Variants in LARGE1 observed in about 807,000 individuals in gnomAD.
LARGE1 encodes xylosyl- and glucuronyltransferase LARGE1.
Under a neutral mutation model 87.6 loss-of-function variants are expected in LARGE1, and 43 were observed. That is an observed-to-expected ratio of 0.49 (90% confidence interval 0.38 to 0.63). The LOEUF is 0.63. Ranked by LOEUF, LARGE1 falls within the 30% of genes least tolerant of loss-of-function variation. LARGE1 has a pLI of 0.00. For missense variants in LARGE1, 802 were observed against 1,000.2 expected (o/e 0.80, Z 2.67); for synonymous variants, 434 against 394.6 (o/e 1.10, Z -1.18).
intron 2 of LARGE1, among the ~76,000 whole-genome samples, chr22:33,754,001 G>A (rs1411228889): frequency 6.6e-6 from 1 of 152,116 alleles, no homozygotes; most frequent in Non-Finnish European, 1.5e-5. Flanking sequence ...GGCGGAGGTT[G>A]CAATGAGCTG....
At chr22:33,104,887 C>CTT in the LARGE1 span, among the ~76,000 whole-genome samples, 25 of 139,738 alleles carry the variant, frequency 1.8e-4, no homozygotes, top group African/African-American at 5.9e-4. Context: ...TAGACTTTCT[C>CTT]TCTCTTTCTT....
At chr22:33,626,211 C>T (rs1269794234) in intron 4 of LARGE1, 33 bp downstream of exon 4, 1 of 1,583,104 alleles carries the variant, frequency 6.3e-7, no homozygotes, top group Non-Finnish European at 8.7e-7. Context: ...CAGTGACAGA[C>T]CTCAGCCCAC....
At chr22:33,554,023 G>A (rs917520742) in intron 6 of LARGE1, among the ~76,000 whole-genome samples, 5 of 152,172 alleles carry the variant, frequency 3.3e-5, no homozygotes, top group African/African-American at 1.2e-4. Context: ...CCAGGGCATG[G>A]CTGACTTTTC....
chr22:33,195,583 G>C (rs9609740), intron 11 of LARGE1, among the ~76,000 whole-genome samples: 1 of 151,494 alleles, frequency 6.6e-6, no homozygotes, highest in African/African-American at 2.4e-5. Context: ...TAATGTATGG[G>C]TCAAAGAAGA....
chr22:33,304,303 C>G lies in LARGE1; in HGVS notation c.1656G>C (p.Lys552Asn), dbSNP rs138573955. 4.0e-5 allele frequency: 65 copies of G among 1,614,270 alleles called. No individual in the cohort carries two copies. The Admixed American group carries it at 8.8e-4, about 22-fold the overall frequency. Residue 552 changes from lysine to asparagine, a missense_variant, in exon 12 of 15, where the codon AAG (lysine) becomes AAC (asparagine). Lys to Asn is a moderately conservative substitution (Grantham distance 94). This residue lies in a region of LARGE1 where 625 missense variants were observed against 841.9 expected (regional missense o/e 0.74). Coordinates refer to ENST00000397394, the MANE Select transcript of LARGE1 (RefSeq NM_133642.5). ...GGAACATGTAGGGAGTGCTGATGTG[C>G]TTCATGGCCACGTTGCGCAGCAGGT... ...PVNLLRNVAM[K>N]HISTPYMFLS...
At chr22:33,557,962 C>T (rs915691599) in intron 6 of LARGE1, among the ~76,000 whole-genome samples, 2 of 152,220 alleles carry the variant, frequency 1.3e-5, no homozygotes, top group Non-Finnish European at 2.9e-5. Flanking sequence ...GGCCAAGCCT[C>T]GCCCTTTCCC....
chr22:33,378,675 G>A (rs1469302215), intron 9 of LARGE1, among the ~76,000 whole-genome samples: 1 of 152,166 alleles, frequency 6.6e-6, no homozygotes, highest in Admixed American at 6.6e-5. Context: ...TTCCTACAAT[G>A]ACCAGTTCTT....
chr22:33,181,615 G>A lies in LARGE1; in HGVS notation c.1731-14783C>T, dbSNP rs530381609. Among the ~76,000 whole-genome samples, 102 of 150,916 alleles carry A rather than the reference G, an allele frequency of 6.8e-4. 1 individual carries two copies. The highest frequency in any genetic ancestry group is 2.3e-3 in the African/African-American group (94 of 41,066). On this transcript the variant is annotated intron_variant, in intron 11 of 11. Coordinates refer to the LARGE1 transcript ENST00000608642. ...GCTATTTTGGCTCACTGCAACCTCC[G>A]ACTCCTGGGTTCATGCCATTCTCCT...
chr22:33,684,195 G>A (rs2081874086), intron 2 of LARGE1, among the ~76,000 whole-genome samples: 1 of 152,074 alleles, frequency 6.6e-6, no homozygotes, highest in Non-Finnish European at 1.5e-5. Context: ...ATGTGTTTGG[G>A]GAAGGAACAC....
rs201261732 is a variant in LARGE1, at chr22:33,184,098, ATATATC to A, written c.1731-17272_1731-17267del. Reference sequence around the variant, plus strand: ...GTGGTAATCAGTACACTATATATATATATATCATATCTTTATGCTATATACCTTGAA... The same window carrying A: ...GTGGTAATCAGTACACTATATATATAATATCTTTATGCTATATACCTTGAA... On this transcript the variant is annotated intron_variant, in intron 11 of 11. Transcript: ENST00000608642. Among the ~76,000 whole-genome samples, 445 of 146,714 alleles carry A rather than the reference ATATATC, an allele frequency of 3.0e-3. 30 individuals are homozygous for A. The highest frequency in any genetic ancestry group is 5.1e-3 in the Non-Finnish European group (337 of 66,116).
At chr22:33,196,852 T>C (rs1469720537) in intron 11 of LARGE1, among the ~76,000 whole-genome samples, 1 of 152,232 alleles carries the variant, frequency 6.6e-6, no homozygotes, top group East Asian at 1.9e-4. Context: ...CTATGCCTCA[T>C]GGCTTTACAC....
chr22:33,437,198 A>G (rs2067301967), intron 6 of LARGE1, among the ~76,000 whole-genome samples: 1 of 151,650 alleles, frequency 6.6e-6, no homozygotes, highest in African/African-American at 2.4e-5. Flanking sequence ...AGTCAAGGGT[A>G]AATTTCACCT....
intron 9 of LARGE1, among the ~76,000 whole-genome samples, chr22:33,344,043 T>C (rs998738741): frequency 2.0e-5 from 3 of 152,170 alleles, no homozygotes; most frequent in Admixed American, 6.5e-5. Flanking sequence ...TTTTCACATT[T>C]TTCTGCCTGC....
intron 13 of LARGE1, among the ~76,000 whole-genome samples, chr22:33,279,804 C>T (rs1930076673): frequency 6.6e-6 from 1 of 152,198 alleles, no homozygotes; most frequent in Non-Finnish European, 1.5e-5. Context: ...GCTGAATGGG[C>T]AGTCTTAACA....
intron 11 of LARGE1, among the ~76,000 whole-genome samples, chr22:33,305,388 A>T (rs935760561): frequency 2.0e-5 from 3 of 148,510 alleles, no homozygotes; most frequent in African/African-American, 5.0e-5. Flanking sequence ...GTGTGTGTGG[A>T]GGGTTTGCAA....
At chr22:33,783,896 G>T (rs2085513265) in intron 1 of LARGE1, among the ~76,000 whole-genome samples, 1 of 152,098 alleles carries the variant, frequency 6.6e-6, no homozygotes, top group African/African-American at 2.4e-5. Context: ...AGATTAGAGT[G>T]GTCTTTCCTC....
chr22:33,216,097 A>G (rs1211593196), intron 11 of LARGE1, among the ~76,000 whole-genome samples: 1 of 151,892 alleles, frequency 6.6e-6, no homozygotes, highest in East Asian at 1.9e-4. Flanking sequence ...TTTACAGAAT[A>G]CTCCTTCCTT....
At position 33,316,123 on chromosome 22, in the gene LARGE1, G is replaced by T. The variant is rs376160270; in HGVS notation, c.1413C>A (p.Ser471Arg). The T allele has an allele frequency of 2.7e-5, 44 of 1,614,070 alleles. No individual in the cohort carries two copies. In the Middle Eastern group the frequency reaches 6.6e-4, roughly 24 times the overall value. ...LHYEYEPAAD[S>R]TDVTLVAQLS... ...GCTGAGCGACCAGGGTGACGTCCGT[G>T]CTGTCTGCTGCAGGCTCATACTCGT... is the stretch of plus-strand genomic sequence containing the variant. Residue 471 changes from serine (S) to arginine (R), a missense_variant, in exon 11 of 15, where the codon AGC becomes AGA. Around this residue, in one of 2 missense-constraint regions of LARGE1, gnomAD observed 625 missense variants for 841.9 expected, o/e 0.74. Transcript: ENST00000397394.
intron 9 of LARGE1, among the ~76,000 whole-genome samples, chr22:33,339,112 C>A (rs991373175): frequency 6.8e-6 from 1 of 147,836 alleles, no homozygotes; most frequent in Non-Finnish European, 1.5e-5. Flanking sequence ...TGCACCACTG[C>A]ACTCCAGCCT....
Sources: allele counts gnomAD v4.1 joint callset (sites outside exome capture counted in the v4.1 genomes callset), GRCh38; gene constraint gnomAD v4.1.1; regional missense constraint gnomAD v4.1.1; transcripts MANE v1.5; gene names NCBI Gene and HGNC (gene_info 2026-07-23, HGNC 2026-07-21).